PNKP: variants seen among roughly 807,000 people sequenced by gnomAD.
PNKP encodes the protein bifunctional polynucleotide phosphatase/kinase.
In PNKP, 82 loss-of-function variants were observed where a neutral mutation model predicts 66.2. The ratio of observed to expected loss-of-function variants is 1.24; its 90% CI spans 1.04 to 1.49. The LOEUF is 1.49. PNKP is among the 40% of genes most tolerant of loss of function. The pLI, the probability that PNKP is intolerant of heterozygous loss-of-function variation, is 0.00. For missense variants in PNKP, 907 were observed against 706.8 expected, an observed-to-expected ratio of 1.28 and a Z score of -3.21; for synonymous variants, 412 against 298.9, an observed-to-expected ratio of 1.38 and a Z score of -3.90.
In PNKP at chr19:49,864,074, G is replaced by A. The variant is rs2074800259; in HGVS notation, c.637-3C>T. 1 of 1,613,344 alleles carries A rather than the reference G, an allele frequency of 6.2e-7. No homozygotes were observed. The highest frequency in any genetic ancestry group is 1.1e-5 in the South Asian group (1 of 91,048). On this transcript the variant is annotated splice_region_variant and splice_polypyrimidine_tract_variant and intron_variant, in intron 6 of 16. Transcript: ENST00000322344. ...ATCTGGTTGGTGAAGATCACCAGCT[G>A]GGGAGCAAAGGGTGTCACCAGACGC...
At position 49,865,209 on chromosome 19, in the gene PNKP, C is replaced by G. The variant is rs34472250; in HGVS notation, c.416G>C (p.Arg139Pro). The change falls in exon 4 of 17, where the codon CGT (arginine) becomes CCT (proline). Residue 139 changes from arginine to proline, a missense_variant. Arg to Pro is a moderately radical substitution (Grantham distance 103, BLOSUM62 -2). Coordinates refer to ENST00000322344, the MANE Select transcript of PNKP (RefSeq NM_007254.4). ...CCAGCCGGGGTTTGACTTCCGCATA[C>G]GCTTCTTCGGCAGCTCAGCATCTCT... ...EKRDAELPKKRMRKSNPGWEN... is the reference protein window; with the variant it reads ...EKRDAELPKKPMRKSNPGWEN... The G allele has an allele frequency of 6.2e-7, 1 of 1,614,222 alleles. No homozygotes were observed. The highest frequency in any genetic ancestry group is 8.5e-7 in the Non-Finnish European group (1 of 1,180,034).
At chr19:49,867,355 C>A in intron 1 of PNKP, 114 bp downstream of exon 1, 2 of 897,064 alleles carry the variant, frequency 2.2e-6, no homozygotes, top group South Asian at 1.7e-5. Context: ...TTCCGCGGGT[C>A]GACCCGTTTC....
chr19:49,867,359 C>T (rs1406650270), intron 1 of PNKP, 110 bp downstream of exon 1: 2 of 882,720 alleles, frequency 2.3e-6, no homozygotes, highest in Non-Finnish European at 3.4e-6. Flanking sequence ...GCGGGTCGAC[C>T]CGTTTCCCAG....
intron 8 of PNKP, 118 bp downstream of exon 8, chr19:49,863,571 A>AAGGAGGGAGCGAGAGAGGACAG: frequency 1.4e-6 from 1 of 731,082 alleles, no homozygotes; most frequent in Non-Finnish European, 2.4e-6. Flanking sequence ...CAAAAAACAG[A>AAGGAGGGAGCGAGAGAGGACAG]AGGAGGGAGC....
At chr19:49,863,820 C>G in intron 7 of PNKP, 60 bp from the exon 8 acceptor site, 2 of 1,478,446 alleles carry the variant, frequency 1.4e-6, no homozygotes, top group African/African-American at 2.8e-5. Flanking sequence ...TGGATGCCAC[C>G]CCAGCCCAGA....
intron 7 of PNKP, 25 bp from the exon 8 acceptor site, chr19:49,863,785 C>T (rs1441063038): frequency 3.2e-6 from 5 of 1,549,092 alleles, no homozygotes; most frequent in Admixed American, 2.0e-5. Context: ...GGGCCACCAG[C>T]TTTAGCTCCC....
At chr19:49,864,518 G>A (rs1321315967) in intron 4 of PNKP, 115 bp from the exon 5 acceptor site, 1 of 823,886 alleles carries the variant, frequency 1.2e-6, no homozygotes, top group African/African-American at 1.7e-5. Context: ...CCATCTCACA[G>A]ATGGGGAAAC....
Position 49,865,551 on chromosome 19 carries a change from ACTTTGGAACGGG to A in PNKP, c.199-137_199-126del, listed in dbSNP as rs552631437. 500 of 629,084 alleles carry A rather than the reference ACTTTGGAACGGG, an allele frequency of 7.9e-4. 2 individuals carry two copies. The African/African-American group carries it at 8.4e-3, about 11-fold the overall frequency. 39.0% of individuals were successfully genotyped at this position (629,084 alleles called of 1,614,324 possible). ...TCAGACCCTTAGGCCCCACCTCTTCACTTTGGAACGGGCTTTGGAACGGTTACAGGTTTTCAG... is the reference window on the plus strand; with the variant it reads ...TCAGACCCTTAGGCCCCACCTCTTCACTTTGGAACGGTTACAGGTTTTCAG... On this transcript the variant is annotated intron_variant, in intron 3 of 16. Coordinates refer to ENST00000322344, the MANE Select transcript of PNKP (RefSeq NM_007254.4).
At chr19:49,866,988 G>A (rs2074824962) in intron 2 of PNKP, 66 bp downstream of exon 2, 2 of 1,505,700 alleles carry the variant, frequency 1.3e-6, no homozygotes, top group East Asian at 2.3e-5. Context: ...TAGCAGCCAA[G>A]CGTCCCTCTG....
intron 14 of PNKP, 32 bp from the exon 15 acceptor site, chr19:49,861,727 C>A: frequency 6.5e-7 from 1 of 1,549,224 alleles, no homozygotes; most frequent in Non-Finnish European, 8.7e-7. Flanking sequence ...GTGCAGGCCC[C>A]GCCCACCCCG....
intron 9 of PNKP, 38 bp downstream of exon 9, chr19:49,862,652 G>T: frequency 6.2e-7 from 1 of 1,613,776 alleles, no homozygotes; most frequent in African/African-American, 1.3e-5. Flanking sequence ...TCGGAGGGAG[G>T]CGTCCCAGCC....
intron 4 of PNKP, 90 bp from the exon 5 acceptor site, chr19:49,864,493 AG>A: frequency 1.0e-6 from 1 of 988,588 alleles, no homozygotes; most frequent in Non-Finnish European, 1.6e-6. Context: ...CCTGCCAGGC[AG>A]GGTGTTATCA....
chr19:49,861,435 A>G lies in PNKP; in HGVS notation c.1448+14T>C. On this transcript the variant is annotated intron_variant, in intron 16 of 16. Coordinates refer to ENST00000322344, the MANE Select transcript of PNKP (RefSeq NM_007254.4). Reference sequence around the variant, plus strand: ...CCAGCCAGTGCCCCTGCCCCCTGCTATCCCCAACAGTACCTGTAGCCATAC... The same window carrying G: ...CCAGCCAGTGCCCCTGCCCCCTGCTGTCCCCAACAGTACCTGTAGCCATAC... The G allele has an allele frequency of 1.9e-6, 3 of 1,614,058 alleles. No homozygotes were observed. Among genetic ancestry groups the G allele is most frequent in the Non-Finnish European group, 2.5e-6 (3 of 1,179,938 alleles).
intron 2 of PNKP, chr19:49,866,653 TTTCTC>T: frequency 1.5e-6 from 1 of 667,422 alleles, no homozygotes; most frequent in East Asian, 2.7e-5. Flanking sequence ...GGGAGGTACT[TTTCTC>T]TACAGAATTG....
At position 49,862,292 on chromosome 19, in the gene PNKP, CG is replaced by C. The variant is rs1398388252; in HGVS notation, c.1030-12del. On this transcript the variant is annotated splice_polypyrimidine_tract_variant and intron_variant, in intron 11 of 16. Coordinates refer to ENST00000322344, the MANE Select transcript of PNKP (RefSeq NM_007254.4). ...GCGGGAGACAGTCCTCTGCGAGGGG[CG>C]GGGGACACGCGTGAGATGCCGTCCC... 11 of 1,572,730 alleles carry C rather than the reference CG, an allele frequency of 7.0e-6. No homozygotes were observed. The highest frequency in any genetic ancestry group is 1.8e-4 in the Middle Eastern group (1 of 5,482).
chr19:49,866,622 C>T, intron 2 of PNKP, 177 bp from the exon 3 acceptor site: 1 of 717,928 alleles, frequency 1.4e-6, no homozygotes, highest in Non-Finnish European at 2.6e-6. Context: ...GATTGCCTGA[C>T]ACTGGTCCTT....
Position 49,861,333 on chromosome 19 carries a change from C to A in PNKP, c.1481G>T (p.Gly494Val), listed in dbSNP as rs1085307661. 6.2e-7 allele frequency: 1 copy of A among 1,614,164 alleles called. No individual in the cohort carries two copies. Among genetic ancestry groups the A allele is most frequent in the South Asian group, 1.1e-5 (1 of 91,082 alleles). Residue 494 changes from glycine to valine, a missense_variant, in exon 17 of 17, where the codon GGC becomes GTC. Gly to Val is a moderately radical substitution (Grantham distance 109). Coordinates refer to ENST00000322344, the MANE Select transcript of PNKP (RefSeq NM_007254.4). Reference protein sequence around the residue: ...KQFEAPTLAEGFSAILEIPFR... With the variant: ...KQFEAPTLAEVFSAILEIPFR... ...CGGGATCTCCAGGATGGCAGAGAAG[C>A]CTTCAGCCAGCGTTGGGGCCTCGAA...
chr19:49,865,282 G>C lies in PNKP; in HGVS notation c.343C>G (p.Gln115Glu). 1 of 1,614,224 alleles carries C rather than the reference G, an allele frequency of 6.2e-7. No individual in the cohort carries two copies. The change falls in exon 4 of 17, where the codon CAG becomes GAG. Residue 115 changes from glutamine to glutamate, a missense_variant. Gln to Glu is a conservative substitution (Grantham distance 29). Transcript: ENST00000322344. ...RWEETRTPES[Q>E]PDTPPGTPLV... ...GGGGTGCCAGGCGGAGTATCTGGCTGGGATTCTGGTGTGCGGGTCTCTTCC... is the reference window on the plus strand; with the variant it reads ...GGGGTGCCAGGCGGAGTATCTGGCTCGGATTCTGGTGTGCGGGTCTCTTCC...
chr19:49,866,937 C>T, intron 2 of PNKP, 117 bp downstream of exon 2: 1 of 966,784 alleles, frequency 1.0e-6, no homozygotes, highest in Non-Finnish European at 1.7e-6. Flanking sequence ...CTAGAGAGCA[C>T]CTTCCGACTT....
Sources: allele counts gnomAD v4.1 joint callset, GRCh38; gene constraint gnomAD v4.1.1; transcripts MANE v1.5; gene names NCBI Gene and HGNC (gene_info 2026-07-23, HGNC 2026-07-21).